TNKS2: variants seen among roughly 807,000 people sequenced by gnomAD.
TNKS2 encodes tankyrase 2.
Under a neutral mutation model 137.6 loss-of-function variants are expected in TNKS2, and 72 were observed. The ratio of observed to expected loss-of-function variants is 0.52; its 90% CI spans 0.43 to 0.64. The LOEUF (loss-of-function observed/expected upper bound fraction) is 0.64, where lower values mean the gene tolerates loss of function less well. Among genes scored for constraint, TNKS2 ranks in the 30% least tolerant of loss-of-function variants. The pLI, the probability that TNKS2 is intolerant of heterozygous loss-of-function variation, is 0.00. For missense variants in TNKS2, 1,049 were observed against 1,410.2 expected, an observed-to-expected ratio of 0.74 and a Z score of 4.10; for synonymous variants, 516 against 512.1, an observed-to-expected ratio of 1.01 and a Z score of -0.10.
chr10:91,819,876 C>A, intron 5 of TNKS2, 63 bp from the exon 6 acceptor site: 2 of 1,309,488 alleles, frequency 1.5e-6, no homozygotes, highest in Non-Finnish European at 2.1e-6. Flanking sequence ...GGGTTTTTTC[C>A]CTCTCACACA....
intron 2 of TNKS2, among the ~76,000 whole-genome samples, chr10:91,814,493 A>G (rs1400562623): frequency 6.6e-6 from 1 of 152,246 alleles, no homozygotes; most frequent in Non-Finnish European, 1.5e-5. Context: ...GTTTATGTAG[A>G]GTCTACAGTA....
intron 24 of TNKS2, among the ~76,000 whole-genome samples, chr10:91,858,695 G>A (rs377677245): frequency 6.6e-6 from 1 of 152,258 alleles, no homozygotes; most frequent in Admixed American, 6.5e-5. Flanking sequence ...AAGAGAAGAG[G>A]TATAAGAAAG....
At chr10:91,826,870 T>C in intron 7 of TNKS2, 147 bp from the exon 8 acceptor site, 1 of 702,504 alleles carries the variant, frequency 1.4e-6, no homozygotes, top group Non-Finnish European at 2.0e-6. Flanking sequence ...TTGGGAAAAA[T>C]GTATACTCAT....
At chr10:91,838,444 A>G (rs1038505895) in intron 13 of TNKS2, among the ~76,000 whole-genome samples, 13 of 152,266 alleles carry the variant, frequency 8.5e-5, no homozygotes, top group Admixed American at 2.0e-4. Context: ...ACACTTAACT[A>G]TTGTGCTCAG....
chr10:91,842,345 T>A lies in TNKS2; in HGVS notation c.2013T>A (p.Asn671Lys). 1 of 1,614,160 alleles carries A rather than the reference T, an allele frequency of 6.2e-7. No individual in the cohort carries two copies. Among genetic ancestry groups the A allele is most frequent in the Non-Finnish European group, 8.5e-7 (1 of 1,179,992 alleles). Residue 671 changes from asparagine to lysine, a missense_variant, in exon 16 of 27, where the codon AAT becomes AAA. Physicochemically the swap from Asn to Lys is moderately conservative, Grantham distance 94. Around this residue, in one of 6 missense-constraint regions of TNKS2, gnomAD observed 328 missense variants for 436.0 expected, o/e 0.75. Coordinates refer to ENST00000371627, the MANE Select transcript of TNKS2 (RefSeq NM_025235.4). Reference protein sequence around the residue: ...VKKLSSPDNVNCRDTQGRHST... With the variant: ...VKKLSSPDNVKCRDTQGRHST... ...AGTTGTCTTCTCCTGATAATGTAAA[T>A]TGCCGCGATACCCAAGGCAGACATT...
intron 6 of TNKS2, among the ~76,000 whole-genome samples, chr10:91,821,629 G>C (rs1243991676): frequency 6.6e-6 from 1 of 152,098 alleles, no homozygotes; most frequent in African/African-American, 2.4e-5. Flanking sequence ...TCTTCCCATA[G>C]AGAAAGTTCT....
intron 7 of TNKS2, among the ~76,000 whole-genome samples, chr10:91,824,417 A>G (rs1845002498): frequency 6.6e-6 from 1 of 152,238 alleles, no homozygotes; most frequent in Admixed American, 6.5e-5. Context: ...AGGCACAAGA[A>G]TAACAGGGAA....
intron 3 of TNKS2, among the ~76,000 whole-genome samples, chr10:91,819,003 T>C (rs1319296550): frequency 1.3e-5 from 2 of 152,202 alleles, no homozygotes; most frequent in Non-Finnish European, 2.9e-5. Flanking sequence ...TTCCTTTTCC[T>C]GAGCATATTG....
Position 91,851,288 on chromosome 10 carries a change from AGG to A in TNKS2, c.2768_2769del (p.Arg923ThrfsTer5). 1.2e-6 allele frequency: 2 copies of A among 1,609,844 alleles called. No individual in the cohort carries two copies. The highest frequency in any genetic ancestry group is 1.7e-6 in the Non-Finnish European group (2 of 1,179,124). Reference sequence around the variant, plus strand: ...GATTGGAATCAATGCTTATGGACATAGGCACAAACTAATTAAAGGAGTCGAGA... The same window carrying A: ...GATTGGAATCAATGCTTATGGACATACACAAACTAATTAAAGGAGTCGAGA... ...KEIGINAYGHRHKLIKGVERL... is the reference protein window; with the variant it reads ...KEIGINAYGHXHKLIKGVERL... On this transcript the variant is annotated frameshift_variant, in exon 21 of 27. Transcript: ENST00000371627. LOFTEE classifies it high-confidence loss of function.
Position 91,842,289 on chromosome 10 carries a change from G to A in TNKS2, c.1957G>A (p.Ala653Thr). 6.2e-7 allele frequency: 1 copy of A among 1,614,154 alleles called. No individual in the cohort carries two copies. The highest frequency in any genetic ancestry group is 8.5e-7 in the Non-Finnish European group (1 of 1,180,012). The change falls in exon 16 of 27, where the codon GCC (alanine) becomes ACC (threonine). Residue 653 changes from alanine to threonine, a missense_variant. This residue lies in a region of TNKS2 where 328 missense variants were observed against 436.0 expected (regional missense o/e 0.75). Coordinates refer to ENST00000371627, the MANE Select transcript of TNKS2 (RefSeq NM_025235.4). ...GGGAGATGCAGCTTTGCTAGATGCT[G>A]CCAAGAAGGGTTGTTTAGCCAGAGT... ...LRGDAALLDA[A>T]KKGCLARVKK...
chr10:91,819,306 G>C lies in TNKS2; in HGVS notation c.557G>C (p.Arg186Thr). The change falls in exon 4 of 27, where the codon AGG becomes ACG. Residue 186 changes from arginine to threonine, a missense_variant and splice_region_variant. Arg to Thr is a moderately conservative substitution (Grantham distance 71). Coordinates refer to ENST00000371627, the MANE Select transcript of TNKS2 (RefSeq NM_025235.4). ...AAAGATGAACTCTTAGAAAGTGCCAGGTACGTACTAATGTTATAAATATGT... is the reference window on the plus strand; with the variant it reads ...AAAGATGAACTCTTAGAAAGTGCCACGTACGTACTAATGTTATAAATATGT... ...YKKDELLESA[R>T]SGNEEKMMAL... is the part of the protein sequence containing the mutation. 1.4e-6 allele frequency: 2 copies of C among 1,468,730 alleles called. No individual in the cohort carries two copies. The allele number at this position is 1,468,730 out of a possible 1,614,324, so 91.0% of individuals were successfully genotyped here.
chr10:91,859,451 A>G lies in TNKS2; in HGVS notation c.3095-11A>G, dbSNP rs776802463. 9 of 1,550,158 alleles carry G rather than the reference A, an allele frequency of 5.8e-6. No individual in the cohort carries two copies. Among genetic ancestry groups the G allele is most frequent in the South Asian group, 1.3e-5 (1 of 77,812 alleles). On this transcript the variant is annotated splice_polypyrimidine_tract_variant and intron_variant, in intron 24 of 26. Coordinates refer to ENST00000371627, the MANE Select transcript of TNKS2 (RefSeq NM_025235.4). The stretch of plus-strand genomic sequence containing the variant: ...TTTTAAATTATTGTTACCCATCTAT[A>G]TGTGTTTCAGGGTCTCCTTTTGTGA...
At chr10:91,861,676 A>G (rs1842854759) in intron 25 of TNKS2, among the ~76,000 whole-genome samples, 1 of 152,232 alleles carries the variant, frequency 6.6e-6, no homozygotes, top group African/African-American at 2.4e-5. Flanking sequence ...ATGGAAGTCC[A>G]CTAAACCTTC....
chr10:91,855,551 TC>T, intron 22 of TNKS2, 62 bp from the exon 23 acceptor site: 1 of 1,276,428 alleles, frequency 7.8e-7, no homozygotes, highest in South Asian at 1.3e-5. Context: ...AGAACCATGT[TC>T]CCCAAATCAG....
chr10:91,808,525 C>G (rs945660473), intron 1 of TNKS2, among the ~76,000 whole-genome samples: 5 of 151,884 alleles, frequency 3.3e-5, no homozygotes, highest in African/African-American at 9.7e-5. Flanking sequence ...TAAAAGGTCA[C>G]TAGAGACAAG....
In TNKS2 at chr10:91,862,166, T is replaced by G; in HGVS notation, c.3438+11T>G. The G allele has an allele frequency of 6.4e-7, 1 of 1,559,916 alleles. No individual in the cohort carries two copies. The highest frequency in any genetic ancestry group is 8.7e-7 in the Non-Finnish European group (1 of 1,153,426). On this transcript the variant is annotated intron_variant, in intron 26 of 26. Coordinates refer to ENST00000371627, the MANE Select transcript of TNKS2 (RefSeq NM_025235.4). ...TACAGAGGAGAACAGGTAATGTAGT[T>G]TTATTTGTTCATCTTCAAAAATGCT...
rs1269088360 is a variant in TNKS2, at chr10:91,862,951, T to C, written c.3453T>C (p.Tyr1151=). ...TTCTCTTCCAGGCTTATCCTGAGTA[T>C]TTAATTACTTACCAGATTATGAGGC... is the stretch of plus-strand genomic sequence containing the variant. ...IYRGEQAYPE[Y]LITYQIMRPE... is the part of the protein sequence containing the mutation. Residue 1151 remains tyrosine (Y), a synonymous_variant, in exon 27 of 27, where the codon TAT becomes TAC. Coordinates refer to ENST00000371627, the MANE Select transcript of TNKS2 (RefSeq NM_025235.4). 1.2e-6 allele frequency: 2 copies of C among 1,606,570 alleles called. No homozygotes were observed. Among genetic ancestry groups the C allele is most frequent in the African/African-American group, 2.7e-5 (2 of 74,734 alleles).
rs185863500 is a variant in TNKS2 at position 91,849,457 on chromosome 10, A to G, written c.2612-55A>G. The G allele has an allele frequency of 3.3e-5, 45 of 1,376,892 alleles. 1 individual carries two copies. Among genetic ancestry groups the G allele is most frequent in the Middle Eastern group, 1.9e-4 (1 of 5,380 alleles). The allele number at this position is 1,376,892 out of a possible 1,614,324, so 85.3% of individuals were successfully genotyped here. A position where few individuals can be genotyped will look rare whatever the true frequency, so the allele number is the denominator to read the frequency against. On this transcript the variant is annotated intron_variant, in intron 19 of 26. Transcript: ENST00000371627. ...ACAAGACTTTACTGTTATAGTGATG[A>G]AATACATTATTCTGATGTGAAATTC...
intron 22 of TNKS2, 149 bp from the exon 23 acceptor site, chr10:91,855,465 C>A: frequency 1.4e-6 from 1 of 716,818 alleles, no homozygotes; most frequent in Non-Finnish European, 2.2e-6. Context: ...GGCACCATGC[C>A]CAGCCCTCAT....
Sources: allele counts gnomAD v4.1 joint callset (sites outside exome capture counted in the v4.1 genomes callset), GRCh38; gene constraint gnomAD v4.1.1; regional missense constraint gnomAD v4.1.1; transcripts MANE v1.5; gene names NCBI Gene and HGNC (gene_info 2026-07-23, HGNC 2026-07-21).